CLMP: variants seen among roughly 807,000 people sequenced by gnomAD.
CLMP encodes the protein CXADR-like membrane protein.
CLMP carries 27 observed loss-of-function variants against 45.2 expected under a neutral mutation model. That is an observed-to-expected ratio of 0.60 (90% CI 0.44 to 0.82). The LOEUF (loss-of-function observed/expected upper bound fraction) is 0.82, where lower values mean the gene tolerates loss of function less well. Among genes scored for constraint, CLMP ranks in the 40% least tolerant of loss-of-function variants. The pLI is 0.00. For synonymous variants in CLMP, 167 were observed against 171.4 expected (o/e 0.97, Z 0.20); for missense variants, 403 against 448.4 (o/e 0.90, Z 0.91).
chr11:123,111,353 A>C (rs1860635659), intron 1 of CLMP, among the ~76,000 whole-genome samples: 1 of 151,810 alleles, frequency 6.6e-6, no homozygotes, highest in African/African-American at 2.4e-5. Context: ...CTGGCATGGA[A>C]CTCCTGACCT....
In CLMP at chr11:123,168,130, T is replaced by A. The variant is rs76629942; in HGVS notation, c.28+26783A>T. ...TCTGAGCTGAAAAGCATGATTGGGG[T>A]TAAACATCTGCCACCATCATTTCCT... On this transcript the variant is annotated intron_variant, in intron 1 of 6. Transcript: ENST00000448775. Among the ~76,000 whole-genome samples, 877 of 152,234 alleles carry A rather than the reference T, an allele frequency of 5.8e-3. 7 individuals carry two copies. Among genetic ancestry groups the A allele is most frequent in the African/African-American group, 0.019 (782 of 41,546 alleles).
chr11:123,069,952 A>T lies in CLMP; in HGVS notation c.*3522T>A, dbSNP rs1277227909. The T allele has an allele frequency of 6.6e-6, 1 of 152,358 alleles. No individual in the cohort carries two copies. Among genetic ancestry groups the T allele is most frequent in the African/African-American group, 2.4e-5 (1 of 41,580 alleles). The allele number at this position is 152,358 out of a possible 1,614,324, so 9.4% of individuals were successfully genotyped here. Reference sequence around the variant, plus strand: ...TTTGGTTTTTGTGATGCTGAAACACAGTCCCAATTACAAGGCAACTTAGAA... The same window carrying T: ...TTTGGTTTTTGTGATGCTGAAACACTGTCCCAATTACAAGGCAACTTAGAA... On this transcript the variant is annotated 3_prime_UTR_variant, in exon 7 of 7. Transcript: ENST00000448775.
chr11:123,098,301 C>T (rs1339848767), intron 1 of CLMP, among the ~76,000 whole-genome samples: 45 of 151,914 alleles, frequency 3.0e-4, no homozygotes, highest in Non-Finnish European at 1.5e-4. Flanking sequence ...GATCTCGGCT[C>T]ACTGCAACCT....
chr11:123,165,489 T>C (rs1417809116), intron 1 of CLMP, among the ~76,000 whole-genome samples: 1 of 152,128 alleles, frequency 6.6e-6, no homozygotes, highest in Non-Finnish European at 1.5e-5. Context: ...ATCCCTTCCC[T>C]CCATGCCCAG....
At chr11:123,134,698 C>G (rs1861045144) in intron 1 of CLMP, among the ~76,000 whole-genome samples, 1 of 151,840 alleles carries the variant, frequency 6.6e-6, no homozygotes. Flanking sequence ...GTCCCAGCTA[C>G]TCAGGAGGCT....
At chr11:123,090,458 G>A (rs1016939670) in intron 2 of CLMP, among the ~76,000 whole-genome samples, 2 of 152,038 alleles carry the variant, frequency 1.3e-5, no homozygotes, top group Admixed American at 6.6e-5. Flanking sequence ...AGGCCGCAGT[G>A]ATTGGGATTG....
At chr11:123,162,569 T>C (rs12290632) in intron 1 of CLMP, among the ~76,000 whole-genome samples, 10,810 of 151,902 alleles carry the variant, frequency 0.071, 434 homozygotes, top group African/African-American at 0.11. Flanking sequence ...CTGAGAGAGA[T>C]GAAGGAGCTT....
At chr11:123,083,303 G>T in intron 4 of CLMP, 96 bp from the exon 5 acceptor site, 1 of 1,165,136 alleles carries the variant, frequency 8.6e-7, no homozygotes, top group South Asian at 1.4e-5. Flanking sequence ...ATTCCGTAAT[G>T]CTATTTGATA....
At chr11:123,137,153 T>C (rs7924666) in intron 1 of CLMP, among the ~76,000 whole-genome samples, 81 of 78,122 alleles carry the variant, frequency 1.0e-3, no homozygotes, top group East Asian at 2.4e-3. Flanking sequence ...TTTTCTTTTT[T>C]TTTTTTTTTT....
chr11:123,156,645 C>T (rs551046988), intron 1 of CLMP, among the ~76,000 whole-genome samples: 4 of 152,168 alleles, frequency 2.6e-5, no homozygotes, highest in Non-Finnish European at 5.9e-5. Flanking sequence ...AAGAAGGAAG[C>T]GTCATTTGCG....
At chr11:123,175,470 G>T (rs1591487218) in intron 1 of CLMP, among the ~76,000 whole-genome samples, 1 of 151,384 alleles carries the variant, frequency 6.6e-6, no homozygotes. Flanking sequence ...GACAGGTGGG[G>T]ATTACAAATT....
chr11:123,179,824 T>C (rs868395905), intron 1 of CLMP, among the ~76,000 whole-genome samples: 7 of 152,224 alleles, frequency 4.6e-5, no homozygotes, highest in Middle Eastern at 3.2e-3. Flanking sequence ...ACTAGCTTTA[T>C]AGTTTAAGGA....
chr11:123,150,720 T>C (rs548728146), intron 1 of CLMP, among the ~76,000 whole-genome samples: 22 of 152,256 alleles, frequency 1.4e-4, no homozygotes, highest in African/African-American at 4.3e-4. Context: ...ATGACTTCTT[T>C]TTTTGTTTTG....
At chr11:123,189,041 T>C (rs1351626924) in intron 1 of CLMP, 1 of 152,228 alleles carries the variant, frequency 6.6e-6, no homozygotes, top group African/African-American at 2.4e-5. Flanking sequence ...TCTTGGACAC[T>C]AGAAGGGTCT....
chr11:123,164,043 T>C lies in CLMP; in HGVS notation c.28+30870A>G, dbSNP rs181747057. On this transcript the variant is annotated intron_variant, in intron 1 of 6. Coordinates refer to ENST00000448775, the MANE Select transcript of CLMP (RefSeq NM_024769.5). ...TTTTCCAGTAGTGATGATAGTGATATTAACAACAACATGGCCTACCATTTA... is the reference window on the plus strand; with the variant it reads ...TTTTCCAGTAGTGATGATAGTGATACTAACAACAACATGGCCTACCATTTA... Among the ~76,000 whole-genome samples, 4 of 152,340 alleles carry C rather than the reference T, an allele frequency of 2.6e-5. No homozygotes were observed. The East Asian group carries it at 5.8e-4, about 22-fold the overall frequency.
At chr11:123,181,981 G>A (rs146894059) in intron 1 of CLMP, among the ~76,000 whole-genome samples, 2 of 152,248 alleles carry the variant, frequency 1.3e-5, no homozygotes, top group East Asian at 1.9e-4. Flanking sequence ...AGAGAAAGTC[G>A]ACAAATGTGG....
At chr11:123,097,010 G>T (rs76328407) in intron 2 of CLMP, among the ~76,000 whole-genome samples, 4,833 of 152,006 alleles carry the variant, frequency 0.032, 274 homozygotes, top group African/African-American at 0.11. Flanking sequence ...CATCACATCT[G>T]GCTAATTAAA....
At chr11:123,165,624 C>G (rs961557248) in intron 1 of CLMP, among the ~76,000 whole-genome samples, 12 of 152,194 alleles carry the variant, frequency 7.9e-5, no homozygotes, top group African/African-American at 2.9e-4. Context: ...CAGCTCGCCA[C>G]TAAAAGCTTT....
At chr11:123,089,783 A>G (rs1300464857) in intron 2 of CLMP, among the ~76,000 whole-genome samples, 2 of 136,894 alleles carry the variant, frequency 1.5e-5, no homozygotes, top group African/African-American at 5.7e-5. Context: ...TCTCAAAAAA[A>G]AAAAAAAAAA....
Sources: allele counts gnomAD v4.1 joint callset (sites outside exome capture counted in the v4.1 genomes callset), GRCh38; gene constraint gnomAD v4.1.1; transcripts MANE v1.5; gene names NCBI Gene and HGNC (gene_info 2026-07-23, HGNC 2026-07-21).